The following PTN variants were observed in gnomAD, a reference collection of about 807,000 sequenced individuals.
The protein encoded by PTN is pleiotrophin, also known as heparin affin regulatory protein.
A neutral mutation model predicts 24.1 loss-of-function variants in PTN; 18 were observed. The ratio of observed to expected loss-of-function variants is 0.75; its 90% CI spans 0.52 to 1.11. PTN has a LOEUF of 1.11. Among genes scored for constraint, PTN ranks in the 50% least tolerant of loss-of-function variants. PTN has a pLI of 0.00. For synonymous variants in PTN, 78 were observed against 68.6 expected (o/e 1.14, Z -0.67); for missense variants, 163 against 198.8 (o/e 0.82, Z 1.08).
intron 4 of PTN, among the ~76,000 whole-genome samples, chr7:137,239,156 A>G (rs188086177): frequency 1.9e-4 from 29 of 152,272 alleles, no homozygotes; most frequent in East Asian, 9.7e-4. Flanking sequence ...AAATTCTTCA[A>G]TAAGGAGGGG....
At chr7:137,249,795 C>A (rs1808791112) in intron 4 of PTN, among the ~76,000 whole-genome samples, 1 of 152,120 alleles carries the variant, frequency 6.6e-6, no homozygotes, top group South Asian at 2.1e-4. Context: ...AACCATATGA[C>A]AACAGGCAGA....
At chr7:137,340,102 A>C (rs1342727422) in intron 1 of PTN, among the ~76,000 whole-genome samples, 3 of 152,208 alleles carry the variant, frequency 2.0e-5, no homozygotes, top group African/African-American at 7.2e-5. Context: ...ACTCTGAAAA[A>C]ATGGTTCAAT....
At chr7:137,265,010 A>T (rs769020075) in intron 1 of PTN, among the ~76,000 whole-genome samples, 9 of 150,664 alleles carry the variant, frequency 6.0e-5, no homozygotes, top group Non-Finnish European at 1.2e-4. Context: ...GAGTGTAAAA[A>T]GTTTTGTCAG....
intron 1 of PTN, among the ~76,000 whole-genome samples, chr7:137,302,381 A>G (rs1654831893): frequency 6.6e-6 from 1 of 152,020 alleles, no homozygotes; most frequent in Non-Finnish European, 1.5e-5. Context: ...TACTGGTAAA[A>G]GGAAGAATGT....
chr7:137,318,211 T>C (rs1031703549), intron 1 of PTN, among the ~76,000 whole-genome samples: 2 of 152,216 alleles, frequency 1.3e-5, no homozygotes, highest in Non-Finnish European at 2.9e-5. Context: ...GAGGTTGCAG[T>C]GTGCTGAGAT....
intron 4 of PTN, among the ~76,000 whole-genome samples, chr7:137,248,039 T>A (rs1309571730): frequency 1.3e-5 from 2 of 152,158 alleles, no homozygotes; most frequent in Non-Finnish European, 2.9e-5. Context: ...CAAGGATATA[T>A]GGGACTTTAT....
intron 1 of PTN, among the ~76,000 whole-genome samples, chr7:137,314,613 T>TTA (rs748572106): frequency 3.3e-5 from 4 of 119,822 alleles, no homozygotes; most frequent in African/African-American, 1.3e-4. Flanking sequence ...TTTTTTTTTT[T>TTA]AGAGAGTCTC....
At chr7:137,325,629 C>T (rs200141670) in intron 1 of PTN, 1 of 152,130 alleles carries the variant, frequency 6.6e-6, no homozygotes, top group Non-Finnish European at 1.5e-5. Context: ...CAATATTTAC[C>T]AAGCCATAAC....
At chr7:137,232,278 C>G (rs1416156295) in intron 4 of PTN, among the ~76,000 whole-genome samples, 1 of 151,970 alleles carries the variant, frequency 6.6e-6, no homozygotes, top group African/African-American at 2.4e-5. Flanking sequence ...CTGTTCCTAC[C>G]AGGACATCAC....
rs555712277 is a variant in PTN, at chr7:137,267,029, C to T, written c.-1-12055G>A. On this transcript the variant is annotated intron_variant, in intron 1 of 4. Coordinates refer to ENST00000348225, the MANE Select transcript of PTN (RefSeq NM_002825.7). ...TTACACTGACAACAAAGTGGTATTACAGTGTTACAGGGTTACTGAGAATAC... is the reference window on the plus strand; with the variant it reads ...TTACACTGACAACAAAGTGGTATTATAGTGTTACAGGGTTACTGAGAATAC... 6.6e-5 allele frequency among the ~76,000 whole-genome samples: 10 copies of T among 152,246 alleles called. No individual in the cohort carries two copies. The South Asian group carries it at 2.1e-3, about 32-fold the overall frequency.
chr7:137,251,536 G>C, intron 3 of PTN, 145 bp from the exon 4 acceptor site: 1 of 892,664 alleles, frequency 1.1e-6, no homozygotes, highest in Non-Finnish European at 1.7e-6. Context: ...CAGAGTGTAT[G>C]CGTGTGTATT....
At chr7:137,293,299 C>T (rs762382376) in intron 1 of PTN, among the ~76,000 whole-genome samples, 66 of 152,048 alleles carry the variant, frequency 4.3e-4, no homozygotes, top group Non-Finnish European at 8.2e-4. Flanking sequence ...TCCTGACTGA[C>T]GGGATGAGAC....
At chr7:137,262,245 T>C (rs2128872755) in intron 1 of PTN, among the ~76,000 whole-genome samples, 1 of 152,316 alleles carries the variant, frequency 6.6e-6, no homozygotes, top group Admixed American at 6.5e-5. Flanking sequence ...ATATTTGTCA[T>C]TTTATCTCAA....
intron 1 of PTN, among the ~76,000 whole-genome samples, chr7:137,289,986 C>A (rs974857005): frequency 6.6e-6 from 1 of 152,148 alleles, no homozygotes; most frequent in Non-Finnish European, 1.5e-5. Flanking sequence ...TAAAGACATA[C>A]TGGAGACCAG....
At chr7:137,251,855 C>G (rs1268821340) in intron 3 of PTN, among the ~76,000 whole-genome samples, 6 of 151,902 alleles carry the variant, frequency 3.9e-5, no homozygotes, top group African/African-American at 1.5e-4. Context: ...AAGTCATGTG[C>G]ATCAATAGTC....
intron 1 of PTN, among the ~76,000 whole-genome samples, chr7:137,285,998 A>C (rs1585029557): frequency 6.6e-6 from 1 of 152,164 alleles, no homozygotes; most frequent in South Asian, 2.1e-4. Flanking sequence ...CGTAGGAAAT[A>C]GAAGGAAGGA....
chr7:137,266,874 T>G (rs1809159345), intron 1 of PTN, among the ~76,000 whole-genome samples: 1 of 149,118 alleles, frequency 6.7e-6, no homozygotes, highest in African/African-American at 2.4e-5. Context: ...TGGCCTTTTT[T>G]TTTTTTTTTT....
At chr7:137,290,865 A>T (rs1809628178) in intron 1 of PTN, among the ~76,000 whole-genome samples, 1 of 152,166 alleles carries the variant, frequency 6.6e-6, no homozygotes. Context: ...AATAAAAACA[A>T]CATATATTTT....
At chr7:137,232,254 A>C (rs1808439719) in intron 4 of PTN, among the ~76,000 whole-genome samples, 1 of 152,006 alleles carries the variant, frequency 6.6e-6, no homozygotes, top group African/African-American at 2.4e-5. Flanking sequence ...CACCTGCCTG[A>C]AAGGTGACTT....
Sources: gnomAD v4.1 joint callset for allele counts (sites outside exome capture counted in the v4.1 genomes callset) on GRCh38, gnomAD v4.1.1 for gene constraint, MANE v1.5 for transcripts, NCBI Gene and HGNC (gene_info 2026-07-23, HGNC 2026-07-21) for gene names.